Variants in RGS12 observed in about 807,000 individuals in gnomAD.
RGS12 encodes regulator of G protein signaling 12.
RGS12 carries 66 observed loss-of-function variants against 120.1 expected under a neutral mutation model. The observed-to-expected ratio is 0.55, with a 90% CI of 0.45 to 0.67. RGS12 has a LOEUF of 0.67. Among genes scored for constraint, RGS12 ranks in the 30% least tolerant of loss-of-function variants. The pLI is 0.00. For missense variants in RGS12, 1,859 were observed against 1,957.7 expected (o/e 0.95, Z 0.95); for synonymous variants, 827 against 804.7 (o/e 1.03, Z -0.47).
intron 5 of RGS12, 38 bp downstream of exon 5, chr4:3,414,279 G>A (rs1471607704): frequency 6.7e-6 from 10 of 1,498,572 alleles, no homozygotes; most frequent in Non-Finnish European, 8.9e-6. Flanking sequence ...GGAGCGGTCT[G>A]TGCTCTGCAG....
chr4:3,420,859 G>A (rs1461016654), intron 10 of RGS12, 141 bp downstream of exon 10: 16 of 776,754 alleles, frequency 2.1e-5, no homozygotes, highest in African/African-American at 3.5e-5. Context: ...CTCGGGTGCC[G>A]GCCCAGGCAC....
In RGS12 at chr4:3,296,138, G is replaced by A. The variant is rs554442668; in HGVS notation, c.-102+3039G>A. Among the ~76,000 whole-genome samples the A allele has an allele frequency of 7.9e-4, 120 of 152,256 alleles. 1 individual carries two copies. Among genetic ancestry groups the A allele is most frequent in the Non-Finnish European group, 1.4e-3 (97 of 68,010 alleles). On this transcript the variant is annotated intron_variant, in intron 1 of 17. Transcript: ENST00000336727. ...GGGCTGGCCTCATTCCTTGGCTCCC[G>A]GCTCCTGCCCTGCCTCCATTGTCAC...
intron 2 of RGS12, 110 bp downstream of exon 2, chr4:3,318,161 G>GA: frequency 1.0e-6 from 1 of 956,330 alleles, no homozygotes; most frequent in East Asian, 2.5e-5. Context: ...CCTCCTGCTG[G>GA]CCCTGTGGCC....
intron 3 of RGS12, among the ~76,000 whole-genome samples, chr4:3,343,719 C>T (rs1011515756): frequency 1.3e-4 from 20 of 152,020 alleles, no homozygotes; most frequent in Non-Finnish European, 2.6e-4. Context: ...CCGAGAAAGC[C>T]GCCGCCCTGG....
At chr4:3,342,330 A>C (rs1713317056) in intron 2 of RGS12, 1 of 1,064,804 alleles carries the variant, frequency 9.4e-7, no homozygotes, top group South Asian at 1.8e-5. Flanking sequence ...GTCTAGCATA[A>C]TGATGGGCAC....
intron 9 of RGS12, chr4:3,420,383 G>A (rs1487120495): frequency 1.8e-6 from 1 of 565,140 alleles, no homozygotes; most frequent in Non-Finnish European, 3.2e-6. Context: ...GAGCCAGGAT[G>A]TGGCAGTAGA....
upstream of RGS12, among the ~76,000 whole-genome samples, chr4:3,291,509 G>C (rs1308039000): frequency 1.3e-5 from 2 of 152,194 alleles, no homozygotes; most frequent in African/African-American, 4.8e-5. Flanking sequence ...ACCACGCTTG[G>C]CTAATTTTTT....
At chr4:3,384,790 G>T (rs1166214114) in intron 3 of RGS12, among the ~76,000 whole-genome samples, 1 of 152,230 alleles carries the variant, frequency 6.6e-6, no homozygotes, top group Non-Finnish European at 1.5e-5. Flanking sequence ...TACTTTGGGT[G>T]CCAGAGGACA....
chr4:3,317,853 C>A lies in RGS12; in HGVS notation c.1683C>A (p.Thr561=), dbSNP rs200872739. 2 of 1,613,466 alleles carry A rather than the reference C, an allele frequency of 1.2e-6. No individual in the cohort carries two copies. The highest frequency in any genetic ancestry group is 1.7e-6 in the Non-Finnish European group (2 of 1,179,894). Residue 561 remains threonine (T), a synonymous_variant, in exon 2 of 18, where the codon ACC becomes ACA. Coordinates refer to ENST00000336727, the MANE Select transcript of RGS12 (RefSeq NM_001394154.1). ...TSDQDSYTDS[T]DGWSSINCGT... ...ACCAGGACTCTTACACAGATTCCAC[C>A]GATGGCTGGTCCAGCATCAACTGCG...
At chr4:3,304,715 T>C (rs1723877765) in intron 1 of RGS12, among the ~76,000 whole-genome samples, 1 of 152,104 alleles carries the variant, frequency 6.6e-6, no homozygotes, top group African/African-American at 2.4e-5. Context: ...CCTCACAGAG[T>C]AGATTTCAGG....
At position 3,366,665 on chromosome 4, in the gene RGS12, G is replaced by C. The variant is rs964742703; in HGVS notation, c.1999-19751G>C. On this transcript the variant is annotated intron_variant, in intron 3 of 17. Coordinates refer to ENST00000336727, the MANE Select transcript of RGS12 (RefSeq NM_001394154.1). This position sits in a 1 kb window ranked among gnomAD's most constrained non-coding sequence, Gnocchi z 4.0. ...AGAGTGCTTCTGTTCCCTCCAGGTCGAGCTGTGCGCCAGGCATGGCCGGAA... is the reference window on the plus strand; with the variant it reads ...AGAGTGCTTCTGTTCCCTCCAGGTCCAGCTGTGCGCCAGGCATGGCCGGAA... Among the ~76,000 whole-genome samples, 2 of 152,184 alleles carry C rather than the reference G, an allele frequency of 1.3e-5. No homozygotes were observed. Among genetic ancestry groups the C allele is most frequent in the Non-Finnish European group, 2.9e-5 (2 of 68,016 alleles).
chr4:3,381,020 C>T (rs1052756222), intron 3 of RGS12, among the ~76,000 whole-genome samples: 2 of 152,226 alleles, frequency 1.3e-5, no homozygotes, highest in East Asian at 1.9e-4. Flanking sequence ...TCTGCTTCCT[C>T]TTGAATGCTT....
chr4:3,372,650 T>C lies in RGS12; in HGVS notation c.1999-13766T>C, dbSNP rs1717153255. On this transcript the variant is annotated intron_variant, in intron 3 of 17. Coordinates refer to ENST00000336727, the MANE Select transcript of RGS12 (RefSeq NM_001394154.1). The surrounding 1 kb of genome is among the most constrained non-coding windows in gnomAD (Gnocchi z 4.3). ...GGTGTGGTTTTGTGACGTCTCAGGG[T>C]GTCCTTTCTTTCCTTCATGAGAAGA... 6.6e-6 allele frequency among the ~76,000 whole-genome samples: 1 copy of C among 152,196 alleles called. No individual in the cohort carries two copies. Among genetic ancestry groups the C allele is most frequent in the Non-Finnish European group, 1.5e-5 (1 of 68,040 alleles).
intron 1 of RGS12, among the ~76,000 whole-genome samples, chr4:3,295,486 C>A (rs1035990580): frequency 2.6e-5 from 4 of 151,882 alleles, no homozygotes; most frequent in Non-Finnish European, 2.9e-5. Context: ...CATGGTGAAA[C>A]CCCGTCTCTA....
At chr4:3,395,082 A>G (rs983612134) in intron 4 of RGS12, among the ~76,000 whole-genome samples, 3 of 152,142 alleles carry the variant, frequency 2.0e-5, no homozygotes, top group Non-Finnish European at 4.4e-5. Context: ...AATCCCAGCT[A>G]CTAGGGTAGC....
At position 3,437,923 on chromosome 4, in the gene RGS12, C is replaced by T. The variant is rs976607142; in HGVS notation, c.4115-1532C>T. ...ACAGATGCCTCATGGAGGCTGCTTC[C>T]GGAAGCTTGGACTGAGGGTGAGGAG... On this transcript the variant is annotated intron_variant, in intron 17 of 17. Coordinates refer to ENST00000336727, the MANE Select transcript of RGS12 (RefSeq NM_001394154.1). 2.1e-4 allele frequency among the ~76,000 whole-genome samples: 32 copies of T among 152,260 alleles called. No homozygotes were observed. In the South Asian group the frequency reaches 6.2e-3, roughly 30 times the overall value.
intron 3 of RGS12, among the ~76,000 whole-genome samples, chr4:3,377,555 G>A (rs903503927): frequency 5.3e-5 from 8 of 152,092 alleles, no homozygotes; most frequent in African/African-American, 1.9e-4. Context: ...GTATATTACA[G>A]TATATTACTG....
Position 3,436,535 on chromosome 4 carries a change from G to T in RGS12, c.4115-2920G>T, listed in dbSNP as rs184090894. Reference sequence around the variant, plus strand: ...GGGCAGTGGGAGAGGTGCCAGGCCTGGGTCTCGAAGGAGAGCCTGGGAGAG... The same window carrying T: ...GGGCAGTGGGAGAGGTGCCAGGCCTTGGTCTCGAAGGAGAGCCTGGGAGAG... On this transcript the variant is annotated intron_variant, in intron 17 of 17. Transcript: ENST00000336727. Among the ~76,000 whole-genome samples, 15 of 152,300 alleles carry T rather than the reference G, an allele frequency of 9.8e-5. No individual in the cohort carries two copies. In the East Asian group the frequency reaches 2.7e-3, roughly 27 times the overall value.
rs534082388 is a variant in RGS12, at chr4:3,424,305, G to C, written c.3234+664G>C. 1.8e-4 allele frequency among the ~76,000 whole-genome samples: 28 copies of C among 152,354 alleles called. 1 individual carries two copies. The South Asian group carries it at 5.8e-3, about 32-fold the overall frequency. On this transcript the variant is annotated intron_variant, in intron 13 of 17. Coordinates refer to ENST00000336727, the MANE Select transcript of RGS12 (RefSeq NM_001394154.1). Reference sequence around the variant, plus strand: ...GAGCAATGATTTCAAGTATTTTCAGGATTTTAGTTTTCCCTGAAACTACAC... The same window carrying C: ...GAGCAATGATTTCAAGTATTTTCAGCATTTTAGTTTTCCCTGAAACTACAC...
Sources: gnomAD v4.1 joint callset for allele counts (sites outside exome capture counted in the v4.1 genomes callset) on GRCh38, gnomAD v4.1.1 for gene constraint, Gnocchi (gnomAD v3.1) non-coding constraint, MANE v1.5 for transcripts, NCBI Gene and HGNC (gene_info 2026-07-23, HGNC 2026-07-21) for gene names.